Variants in GPC5 observed in about 807,000 individuals in gnomAD.
The protein encoded by GPC5 is glypican-5.
Under a neutral mutation model 53.9 loss-of-function variants are expected in GPC5, and 47 were observed. The ratio of observed to expected loss-of-function variants is 0.87; its 90% confidence interval spans 0.69 to 1.11. The LOEUF (loss-of-function observed/expected upper bound fraction) is 1.11, where lower values mean the gene tolerates loss of function less well. Among genes scored for constraint, GPC5 ranks in the 50% most tolerant of loss-of-function variants. The probability of loss-of-function intolerance (pLI) is 0.00; values close to 1 mark genes in which losing one functional copy is unlikely to be tolerated. For synonymous variants in GPC5, 286 were observed against 263.3 expected (o/e 1.09, Z -0.84); for missense variants, 748 against 713.1 (o/e 1.05, Z -0.56).
intron 7 of GPC5, among the ~76,000 whole-genome samples, chr13:92,779,429 C>CCGAAAAA (rs1293343002): frequency 6.6e-6 from 1 of 151,966 alleles, no homozygotes; most frequent in African/African-American, 2.4e-5. Context: ...AAAGCAATTT[C>CCGAAAAA]AAATTTCAGT....
intron 5 of GPC5, among the ~76,000 whole-genome samples, chr13:91,779,609 G>A (rs776186694): frequency 4.6e-5 from 7 of 152,076 alleles, no homozygotes; most frequent in Non-Finnish European, 1.0e-4. Context: ...GGTCTGCCTG[G>A]CTCGACCTCC....
At chr13:92,615,583 C>A (rs989993887) in intron 7 of GPC5, among the ~76,000 whole-genome samples, 2 of 152,132 alleles carry the variant, frequency 1.3e-5, no homozygotes, top group African/African-American at 4.8e-5. Flanking sequence ...TTAAAATAAA[C>A]ATCTAGAGTA....
intron 7 of GPC5, among the ~76,000 whole-genome samples, chr13:92,468,599 A>G (rs1192840160): frequency 6.6e-6 from 1 of 152,118 alleles, no homozygotes; most frequent in Admixed American, 6.6e-5. Flanking sequence ...CATAAGCAAA[A>G]TATTCCATAC....
intron 7 of GPC5, among the ~76,000 whole-genome samples, chr13:92,749,797 A>G (rs1889335007): frequency 6.6e-6 from 1 of 152,216 alleles, no homozygotes; most frequent in Non-Finnish European, 1.5e-5. Context: ...TTGTACAATT[A>G]AAATTAAAAA....
intron 5 of GPC5, among the ~76,000 whole-genome samples, chr13:91,790,725 T>G (rs936040173): frequency 2.0e-5 from 3 of 152,238 alleles, no homozygotes; most frequent in Admixed American, 2.0e-4. Context: ...ATATTTAATG[T>G]GTATTGTAAA....
At chr13:91,556,675 C>T (rs746651540) in intron 2 of GPC5, among the ~76,000 whole-genome samples, 5 of 151,780 alleles carry the variant, frequency 3.3e-5, no homozygotes, top group Non-Finnish European at 7.4e-5. Flanking sequence ...TCACAGCAAC[C>T]TGTATAGAAC....
At chr13:92,507,691 A>G (rs1295073680) in intron 7 of GPC5, among the ~76,000 whole-genome samples, 4 of 152,158 alleles carry the variant, frequency 2.6e-5, no homozygotes, top group Non-Finnish European at 5.9e-5. Flanking sequence ...AAAATGTTAT[A>G]ACTGGTACAT....
intron 5 of GPC5, among the ~76,000 whole-genome samples, chr13:91,809,481 G>A (rs989168034): frequency 1.3e-5 from 2 of 152,086 alleles, no homozygotes; most frequent in Non-Finnish European, 2.9e-5. Context: ...TCTGGCTGAC[G>A]TTTGACTTGG....
intron 7 of GPC5, among the ~76,000 whole-genome samples, chr13:92,637,813 G>A (rs754333597): frequency 3.3e-5 from 5 of 152,032 alleles, no homozygotes; most frequent in South Asian, 2.1e-4. Context: ...ACAATGACAC[G>A]TTGCTAAAAT....
At chr13:91,841,693 G>GA (rs937656070) in intron 5 of GPC5, among the ~76,000 whole-genome samples, 3 of 150,950 alleles carry the variant, frequency 2.0e-5, no homozygotes, top group South Asian at 2.1e-4. Context: ...AAAACCAACT[G>GA]AAAAAAAAGG....
intron 7 of GPC5, among the ~76,000 whole-genome samples, chr13:92,589,493 A>G (rs1883649621): frequency 6.6e-6 from 1 of 152,174 alleles, no homozygotes; most frequent in South Asian, 2.1e-4. Context: ...TTCTGATCAA[A>G]TCATGATTTC....
rs575226615 is a variant in GPC5 at position 91,739,975 on chromosome 13, A to G, written c.1154+11310A>G. 9.4e-4 allele frequency among the ~76,000 whole-genome samples: 142 copies of G among 151,298 alleles called. 1 individual carries two copies. The highest frequency in any genetic ancestry group is 1.5e-3 in the Non-Finnish European group (99 of 68,016). ...GGCAATGACTGACTGACACAGGGAT[A>G]GAAGAGGCTTGCCCCTTGCTTCAAG... On this transcript the variant is annotated intron_variant, in intron 4 of 7. Transcript: ENST00000377067.
intron 7 of GPC5, among the ~76,000 whole-genome samples, chr13:92,800,173 G>A (rs1181960675): frequency 2.0e-5 from 3 of 151,754 alleles, no homozygotes; most frequent in Admixed American, 6.6e-5. Flanking sequence ...AGAAGCTATG[G>A]CCATGTAAAA....
chr13:92,085,807 C>T (rs1393340546), intron 6 of GPC5, among the ~76,000 whole-genome samples: 1 of 152,112 alleles, frequency 6.6e-6, no homozygotes, highest in Non-Finnish European at 1.5e-5. Context: ...CAGTAGGGTT[C>T]ATACTCCTAT....
intron 7 of GPC5, among the ~76,000 whole-genome samples, chr13:92,789,974 A>G (rs1201037747): frequency 6.6e-6 from 1 of 152,140 alleles, no homozygotes; most frequent in African/African-American, 2.4e-5. Context: ...TAAGTCCAAG[A>G]GTCCAAAAAC....
chr13:92,778,356 A>G (rs1875892981), intron 7 of GPC5, among the ~76,000 whole-genome samples: 1 of 152,120 alleles, frequency 6.6e-6, no homozygotes, highest in African/African-American at 2.4e-5. Context: ...TTCTAAGGAG[A>G]GCTGTTGACT....
chr13:92,492,662 A>T (rs981640403), intron 7 of GPC5, among the ~76,000 whole-genome samples: 1 of 152,186 alleles, frequency 6.6e-6, no homozygotes, highest in Non-Finnish European at 1.5e-5. Context: ...AAAAAAGTAA[A>T]ACTAGAACAA....
intron 5 of GPC5, among the ~76,000 whole-genome samples, chr13:91,867,637 C>A (rs2039099061): frequency 6.6e-6 from 1 of 152,130 alleles, no homozygotes; most frequent in African/African-American, 2.4e-5. Context: ...GTGATTTAAT[C>A]AAATGTTAAA....
intron 7 of GPC5, among the ~76,000 whole-genome samples, chr13:92,585,930 G>T (rs1453554977): frequency 6.6e-6 from 1 of 152,162 alleles, no homozygotes; most frequent in Admixed American, 6.5e-5. Flanking sequence ...CCAGCCAAGT[G>T]CAACTGTAAG....
Sources: allele counts gnomAD v4.1 joint callset (sites outside exome capture counted in the v4.1 genomes callset), GRCh38; gene constraint gnomAD v4.1.1; transcripts MANE v1.5; gene names NCBI Gene and HGNC (gene_info 2026-07-23, HGNC 2026-07-21).